SH3RF3: variants seen among roughly 807,000 people sequenced by gnomAD.
SH3RF3 encodes E3 ubiquitin-protein ligase SH3RF3.
SH3RF3 carries 29 observed loss-of-function variants against 66.3 expected under a neutral mutation model. The ratio of observed to expected loss-of-function variants is 0.44; its 90% CI spans 0.33 to 0.60. The LOEUF is 0.60. Among genes scored for constraint, SH3RF3 ranks in the 20% least tolerant of loss-of-function variants. The pLI is 0.04. For synonymous variants in SH3RF3, 583 were observed against 532.0 expected, an observed-to-expected ratio of 1.10 and a Z score of -1.32; for missense variants, 1,194 against 1,190.9, an observed-to-expected ratio of 1.00 and a Z score of -0.04.
chr2:109,378,122 C>T (rs1453941879), intron 3 of SH3RF3, among the ~76,000 whole-genome samples: 1 of 152,210 alleles, frequency 6.6e-6, no homozygotes, highest in Non-Finnish European at 1.5e-5. Context: ...ATGAGAGCCA[C>T]AAGGGAAGTA....
At chr2:109,368,717 A>AAG (rs1683198298) in intron 2 of SH3RF3, among the ~76,000 whole-genome samples, 1 of 150,698 alleles carries the variant, frequency 6.6e-6, no homozygotes, top group African/African-American at 2.4e-5. Context: ...TTAAAAAAAA[A>AAG]AAAAAAGAAA....
intron 1 of SH3RF3, among the ~76,000 whole-genome samples, chr2:109,180,054 C>G (rs1420834498): frequency 6.6e-6 from 1 of 152,036 alleles, no homozygotes; most frequent in Non-Finnish European, 1.5e-5. Flanking sequence ...AAGGTTTGCT[C>G]TCTGTGGGGA....
intron 2 of SH3RF3, among the ~76,000 whole-genome samples, chr2:109,359,674 G>GC (rs1395626084): frequency 1.3e-5 from 2 of 152,098 alleles, no homozygotes; most frequent in Non-Finnish European, 2.9e-5. Flanking sequence ...AATTTTTTGA[G>GC]CACCAACATG....
At chr2:109,436,484 G>T (rs1321219893) in intron 6 of SH3RF3, among the ~76,000 whole-genome samples, 1 of 152,222 alleles carries the variant, frequency 6.6e-6, no homozygotes, top group Non-Finnish European at 1.5e-5. Context: ...CCCAGAGGGG[G>T]CCCGCGTCCT....
At chr2:109,363,410 C>T (rs1222219924) in intron 2 of SH3RF3, among the ~76,000 whole-genome samples, 2 of 152,134 alleles carry the variant, frequency 1.3e-5, no homozygotes, top group African/African-American at 4.8e-5. Context: ...TTCTCTTGTA[C>T]ATGAGCATTG....
intron 1 of SH3RF3, among the ~76,000 whole-genome samples, chr2:109,205,400 T>C (rs1368398850): frequency 6.6e-6 from 1 of 151,964 alleles, no homozygotes; most frequent in African/African-American, 2.4e-5. Context: ...CATGCCTAGA[T>C]AATTTTTTGT....
intron 1 of SH3RF3, among the ~76,000 whole-genome samples, chr2:109,188,236 G>A (rs1678248766): frequency 6.6e-6 from 1 of 152,236 alleles, no homozygotes; most frequent in African/African-American, 2.4e-5. Context: ...TAGCAGGGGT[G>A]CCTCTGAAAA....
intron 8 of SH3RF3, among the ~76,000 whole-genome samples, chr2:109,467,243 A>G (rs1199858303): frequency 1.3e-5 from 2 of 152,252 alleles, no homozygotes; most frequent in African/African-American, 4.8e-5. Flanking sequence ...CCAGATGCCA[A>G]TCAGCTGATG....
At chr2:109,158,547 C>T (rs1162119026) in intron 1 of SH3RF3, among the ~76,000 whole-genome samples, 1 of 152,150 alleles carries the variant, frequency 6.6e-6, no homozygotes, top group African/African-American at 2.4e-5. Context: ...TCCAGAGGCG[C>T]TCAGGGCTGT....
At chr2:109,349,893 A>AC (rs1462102503) in intron 2 of SH3RF3, among the ~76,000 whole-genome samples, 1 of 152,260 alleles carries the variant, frequency 6.6e-6, no homozygotes, top group Non-Finnish European at 1.5e-5. Context: ...ACAAGAGGAC[A>AC]AAGGGCACCT....
chr2:109,380,595 C>T (rs536239165), intron 3 of SH3RF3, among the ~76,000 whole-genome samples: 114 of 152,324 alleles, frequency 7.5e-4, no homozygotes, highest in African/African-American at 2.5e-3. Flanking sequence ...TGCCAGCCTC[C>T]CTGGGAGCTT....
At chr2:109,436,822 C>T (rs1677413566) in intron 6 of SH3RF3, 71 bp from the exon 7 acceptor site, 1 of 1,547,810 alleles carries the variant, frequency 6.5e-7, no homozygotes. Context: ...GAGCGAGGCT[C>T]TGCCAGAGGC....
At chr2:109,357,220 C>T (rs13382656) in intron 2 of SH3RF3, among the ~76,000 whole-genome samples, 4,351 of 151,382 alleles carry the variant, frequency 0.029, 155 homozygotes, top group African/African-American at 0.089. Context: ...CTTACTCTGT[C>T]GCCCAGGCTG....
chr2:109,464,784 A>C (rs1286116653), intron 8 of SH3RF3, among the ~76,000 whole-genome samples: 1 of 152,236 alleles, frequency 6.6e-6, no homozygotes, highest in Non-Finnish European at 1.5e-5. Flanking sequence ...AAAGTGGTAC[A>C]TGTGTCAGGA....
intron 2 of SH3RF3, among the ~76,000 whole-genome samples, chr2:109,369,096 G>A (rs182612946): frequency 6.0e-4 from 91 of 152,134 alleles, no homozygotes; most frequent in Admixed American, 1.6e-3. Context: ...TATAATCCCA[G>A]CACTTTGGGA....
chr2:109,487,475 G>A (rs760384083), intron 8 of SH3RF3, among the ~76,000 whole-genome samples: 7 of 152,222 alleles, frequency 4.6e-5, no homozygotes, highest in Admixed American at 1.3e-4. Context: ...CCTGGAAGGC[G>A]GACGTTTTGG....
chr2:109,129,615 C>T lies in SH3RF3; in HGVS notation c.75C>T (p.Asp25=). The change falls in exon 1 of 10, where the codon GAC becomes GAT. Residue 25 remains aspartate (D), a synonymous_variant. Coordinates refer to ENST00000309415, the MANE Select transcript of SH3RF3 (RefSeq NM_001099289.3). ...CTGCGCAGAGCGAGGGCGACGAGGA[C>T]AGGCCAGGCGAGCGACGGCGGCGTC... ...AAAAQSEGDE[D]RPGERRRRRA... is the part of the protein sequence containing the mutation. The T allele has an allele frequency of 6.7e-7, 1 of 1,485,546 alleles. No homozygotes were observed. Among genetic ancestry groups the T allele is most frequent in the East Asian group, 2.8e-5 (1 of 36,134 alleles). The allele number at this position is 1,485,546 out of a possible 1,614,324, so 92.0% of individuals were successfully genotyped here. A position where few individuals can be genotyped will look rare whatever the true frequency, so the allele number is the denominator to read the frequency against.
intron 9 of SH3RF3, among the ~76,000 whole-genome samples, chr2:109,494,461 G>A (rs547319814): frequency 6.6e-6 from 1 of 152,200 alleles, no homozygotes; most frequent in South Asian, 2.1e-4. Context: ...CGGAGCTGAG[G>A]GCATGACTGG....
chr2:109,434,812 G>T (rs945441291), intron 6 of SH3RF3, among the ~76,000 whole-genome samples: 1 of 152,204 alleles, frequency 6.6e-6, no homozygotes, highest in East Asian at 1.9e-4. Flanking sequence ...CTGGCTCCTT[G>T]CATACCATGT....
Sources: gnomAD v4.1 joint callset for allele counts (sites outside exome capture counted in the v4.1 genomes callset) on GRCh38, gnomAD v4.1.1 for gene constraint, MANE v1.5 for transcripts, NCBI Gene and HGNC (gene_info 2026-07-23, HGNC 2026-07-21) for gene names.